Variants in NAV3 observed in about 807,000 individuals in gnomAD.
NAV3 encodes the protein pore membrane and/or filament interacting like protein 1.
In NAV3, 87 loss-of-function variants were observed where a neutral mutation model predicts 244.7. The ratio of observed to expected loss-of-function variants is 0.36; its 90% confidence interval spans 0.30 to 0.42. The LOEUF is 0.42. Among genes scored for constraint, NAV3 ranks in the 20% least tolerant of loss-of-function variants. The pLI is 1.00. For synonymous variants in NAV3, 1,126 were observed against 1,042.2 expected (o/e 1.08, Z -1.55); for missense variants, 2,663 against 2,893.3 (o/e 0.92, Z 1.83).
At chr12:77,824,759 G>T (rs1443094481) in intron 2 of NAV3, among the ~76,000 whole-genome samples, 1 of 152,044 alleles carries the variant, frequency 6.6e-6, no homozygotes, top group African/African-American at 2.4e-5. Flanking sequence ...TGGGTGTGGT[G>T]GTGTGTGCCT....
At chr12:78,110,311 C>G (rs1955022963) in intron 12 of NAV3, among the ~76,000 whole-genome samples, 1 of 151,978 alleles carries the variant, frequency 6.6e-6, no homozygotes, top group East Asian at 1.9e-4. Flanking sequence ...TGAGAAACAT[C>G]CCATGTTTAT....
At chr12:78,136,230 A>G (rs1332488479) in intron 18 of NAV3, among the ~76,000 whole-genome samples, 2 of 152,214 alleles carry the variant, frequency 1.3e-5, no homozygotes, top group African/African-American at 4.8e-5. Flanking sequence ...TTCCCTTTAT[A>G]TCTTAAGAGG....
intron 38 of NAV3, among the ~76,000 whole-genome samples, chr12:78,202,714 T>G (rs961145521): frequency 2.0e-5 from 3 of 152,100 alleles, no homozygotes; most frequent in South Asian, 2.1e-4. Context: ...TAGGGCTTTT[T>G]GGGGGAGGGG....
rs546730788 is a variant in NAV3, at chr12:77,634,587, A to G, written c.72+62321A>G. 7.5e-4 allele frequency among the ~76,000 whole-genome samples: 114 copies of G among 152,306 alleles called. 3 individuals carry two copies. In the South Asian group the frequency reaches 0.023, roughly 31 times the overall value. ...TGTAGCATCTTGCAAGAACATTTAT[A>G]TTTTAATATGTAAAACATGAAACTT... On this transcript the variant is annotated intron_variant, in intron 2 of 8. Coordinates refer to the NAV3 transcript ENST00000550042.
chr12:77,674,798 A>G (rs1874136970), intron 2 of NAV3, among the ~76,000 whole-genome samples: 1 of 152,194 alleles, frequency 6.6e-6, no homozygotes, highest in Non-Finnish European at 1.5e-5. Context: ...TCTAGGCTTG[A>G]TAGTGAAGAT....
At chr12:77,940,682 T>A (rs1428172053) in intron 2 of NAV3, among the ~76,000 whole-genome samples, 1 of 152,218 alleles carries the variant, frequency 6.6e-6, no homozygotes, top group Non-Finnish European at 1.5e-5. Flanking sequence ...ATCATTTGAA[T>A]CGAACTGTCA....
chr12:77,593,336 T>G (rs1489287184), intron 2 of NAV3, among the ~76,000 whole-genome samples: 22 of 151,804 alleles, frequency 1.4e-4, no homozygotes, highest in Non-Finnish European at 1.5e-5. Flanking sequence ...TAAAGCTGAT[T>G]ACAACTTATT....
intron 2 of NAV3, among the ~76,000 whole-genome samples, chr12:77,761,952 A>T (rs1171598208): frequency 1.3e-5 from 2 of 151,036 alleles, no homozygotes; most frequent in African/African-American, 2.5e-5. Context: ...ATCACAAATC[A>T]TTCTACTATA....
At chr12:77,646,457 C>A (rs1340664283) in intron 2 of NAV3, among the ~76,000 whole-genome samples, 1 of 151,780 alleles carries the variant, frequency 6.6e-6, no homozygotes, top group Non-Finnish European at 1.5e-5. Context: ...GTGAAGAAGG[C>A]GTTCTTCTCT....
chr12:77,845,539 C>G (rs1332891279), intron 1 of NAV3, among the ~76,000 whole-genome samples: 1 of 151,980 alleles, frequency 6.6e-6, no homozygotes, highest in Non-Finnish European at 1.5e-5. Context: ...AATTAAAAAA[C>G]CAATGTGGAA....
chr12:78,103,613 GA>G (rs987111946), intron 12 of NAV3, among the ~76,000 whole-genome samples: 1 of 152,064 alleles, frequency 6.6e-6, no homozygotes, highest in Admixed American at 6.5e-5. Flanking sequence ...AGACTGGAAA[GA>G]AAAAAAGGTT....
At chr12:77,879,685 C>CAAAAAAAAAA (rs72076222) in intron 1 of NAV3, among the ~76,000 whole-genome samples, 7 of 85,060 alleles carry the variant, frequency 8.2e-5, no homozygotes, top group East Asian at 3.7e-4. Context: ...AACTCCATCT[C>CAAAAAAAAAA]AAAAAAAAAA....
chr12:77,589,306 CTCTG>C (rs986057235), intron 2 of NAV3, among the ~76,000 whole-genome samples: 2 of 152,206 alleles, frequency 1.3e-5, no homozygotes, highest in Admixed American at 6.5e-5. Flanking sequence ...CTGTTCTATC[CTCTG>C]TCTGTTACCC....
intron 2 of NAV3, among the ~76,000 whole-genome samples, chr12:77,741,148 C>CAAAAAAAAAAAAAAAAAGAA (rs1868322824): frequency 5.8e-5 from 4 of 68,664 alleles, no homozygotes; most frequent in African/African-American, 1.2e-4. Flanking sequence ...AAAAAAAAGA[C>CAAAAAAAAAAAAAAAAAGAA]AAAAAAAAAA....
intron 2 of NAV3, among the ~76,000 whole-genome samples, chr12:77,652,655 C>T (rs527328630): frequency 2.0e-5 from 3 of 152,238 alleles, no homozygotes; most frequent in Non-Finnish European, 4.4e-5. Context: ...ATACCTGAGA[C>T]ACAAGTATAA....
intron 1 of NAV3, among the ~76,000 whole-genome samples, chr12:77,923,862 T>G (rs1278131266): frequency 2.6e-5 from 4 of 152,068 alleles, no homozygotes; most frequent in African/African-American, 9.7e-5. Context: ...GAAGATGCTA[T>G]TAAATTAGTA....
intron 2 of NAV3, among the ~76,000 whole-genome samples, chr12:77,795,309 C>G (rs770667892): frequency 1.2e-4 from 18 of 151,986 alleles, no homozygotes; most frequent in Non-Finnish European, 2.4e-4. Context: ...TAACTGTCTT[C>G]GATTGTAACA....
At chr12:77,756,236 G>A (rs1322405668) in intron 2 of NAV3, among the ~76,000 whole-genome samples, 6 of 152,056 alleles carry the variant, frequency 3.9e-5, no homozygotes, top group Non-Finnish European at 7.4e-5. Context: ...GTTATTAAAA[G>A]CAAGTGTTTA....
Position 77,589,839 on chromosome 12 carries a change from A to G in NAV3, c.72+17573A>G, listed in dbSNP as rs528049837. 7.9e-5 allele frequency among the ~76,000 whole-genome samples: 12 copies of G among 152,374 alleles called. No individual in the cohort carries two copies. In the South Asian group the frequency reaches 2.1e-3, roughly 26 times the overall value. On this transcript the variant is annotated intron_variant, in intron 2 of 8. Transcript: ENST00000550042. ...ATTTTCCAGAGTAGAGGTGAAGAGA[A>G]CAGGCTTTGGCGTTAGCCTGGATTT...
Sources: gnomAD v4.1 joint callset for allele counts (sites outside exome capture counted in the v4.1 genomes callset) on GRCh38, gnomAD v4.1.1 for gene constraint, MANE v1.5 for transcripts, NCBI Gene and HGNC (gene_info 2026-07-23, HGNC 2026-07-21) for gene names.